NDST3: variants seen among roughly 807,000 people sequenced by gnomAD.
NDST3 encodes the protein N-deacetylase and N-sulfotransferase 3.
A neutral mutation model predicts 96.1 loss-of-function variants in NDST3; 58 were observed. The observed-to-expected ratio is 0.60, with a 90% confidence interval of 0.49 to 0.75. NDST3 has a LOEUF of 0.75. Ranked by LOEUF, NDST3 falls within the 30% of genes least tolerant of loss-of-function variation. The pLI is 0.00. For missense variants in NDST3, 788 were observed against 1,034.2 expected, an observed-to-expected ratio of 0.76 and a Z score of 3.27; for synonymous variants, 333 against 359.7, an observed-to-expected ratio of 0.93 and a Z score of 0.84.
intron 4 of NDST3, among the ~76,000 whole-genome samples, chr4:118,130,254 T>A (rs1732501348): frequency 6.6e-6 from 1 of 151,998 alleles, no homozygotes. Flanking sequence ...TGTTTTGGGG[T>A]CGTCTCTCTT....
intron 2 of NDST3, among the ~76,000 whole-genome samples, chr4:118,056,476 T>C (rs1725440016): frequency 6.6e-6 from 1 of 151,988 alleles, no homozygotes; most frequent in Non-Finnish European, 1.5e-5. Context: ...ACTAAATGCT[T>C]TTTTAAAAAA....
At chr4:118,247,575 A>C (rs577881856) in intron 12 of NDST3, among the ~76,000 whole-genome samples, 1 of 152,050 alleles carries the variant, frequency 6.6e-6, no homozygotes, top group South Asian at 2.1e-4. Flanking sequence ...GAAAGAAAGA[A>C]AGAAAGACTT....
intron 2 of NDST3, among the ~76,000 whole-genome samples, chr4:118,094,003 A>C (rs1413957702): frequency 1.3e-5 from 2 of 151,752 alleles, no homozygotes; most frequent in African/African-American, 2.4e-5. Context: ...AAGCAAGCCC[A>C]CTTCCTCAAG....
chr4:118,077,395 G>A (rs1727634931), intron 2 of NDST3, among the ~76,000 whole-genome samples: 1 of 152,216 alleles, frequency 6.6e-6, no homozygotes, highest in South Asian at 2.1e-4. Flanking sequence ...ATTTTGGGCT[G>A]TGGTCCAGTA....
chr4:118,191,272 T>C (rs560262203), intron 6 of NDST3, among the ~76,000 whole-genome samples: 5 of 152,322 alleles, frequency 3.3e-5, no homozygotes, highest in African/African-American at 9.6e-5. Context: ...TAAACAGATA[T>C]ATGACTTGTG....
chr4:118,182,514 G>T, intron 6 of NDST3, among the ~76,000 whole-genome samples: 1 of 152,084 alleles, frequency 6.6e-6, no homozygotes, highest in Admixed American at 6.6e-5. Context: ...TGTGACAACA[G>T]GCAAATGATA....
At chr4:118,176,872 T>C (rs1204972457) in intron 6 of NDST3, among the ~76,000 whole-genome samples, 1 of 152,046 alleles carries the variant, frequency 6.6e-6, no homozygotes, top group Non-Finnish European at 1.5e-5. Context: ...ACTTGAAATT[T>C]GAAAGTAAAA....
chr4:118,085,122 AAAC>A (rs10682796), intron 2 of NDST3, among the ~76,000 whole-genome samples: 5 of 150,698 alleles, frequency 3.3e-5, no homozygotes, highest in African/African-American at 9.7e-5. Flanking sequence ...GACTCCGTAA[AAAC>A]AACAACAACA....
chr4:118,227,642 C>G (rs549828471), intron 8 of NDST3, among the ~76,000 whole-genome samples: 1,316 of 129,612 alleles, frequency 0.01, 18 homozygotes, highest in African/African-American at 0.036. Context: ...GACGGAGTCT[C>G]GCTCTGTCAC....
rs1205104104 is a variant in NDST3, at chr4:118,054,225, G to A, written c.315G>A (p.Gln105=). 10 of 1,612,640 alleles carry A rather than the reference G, an allele frequency of 6.2e-6. No homozygotes were observed. Among genetic ancestry groups the A allele is most frequent in the East Asian group, 2.2e-5 (1 of 44,858 alleles). The change falls in exon 2 of 14, where the codon CAG becomes CAA. Residue 105 remains glutamine (Q), a synonymous_variant. Coordinates refer to ENST00000296499, the MANE Select transcript of NDST3 (RefSeq NM_004784.3). The stretch of plus-strand genomic sequence containing the variant: ...TGATTCTAGAATCAAGTAGATTCCA[G>A]TATCACATTGAAATTGCCCCTGGAA... ...IIMILESSRF[Q]YHIEIAPGKG...
At chr4:118,158,226 A>G (rs1231021020) in intron 6 of NDST3, among the ~76,000 whole-genome samples, 2 of 152,200 alleles carry the variant, frequency 1.3e-5, no homozygotes, top group African/African-American at 4.8e-5. Context: ...ATTTCTAAAT[A>G]CTATTTCTCC....
At chr4:118,061,565 T>C (rs1020636086) in intron 2 of NDST3, among the ~76,000 whole-genome samples, 13 of 152,196 alleles carry the variant, frequency 8.5e-5, no homozygotes, top group Non-Finnish European at 1.5e-4. Flanking sequence ...CTACCAGACA[T>C]ACCATGTATT....
Position 118,227,607 on chromosome 4 carries a change from C to CTT in NDST3, c.1819+646_1819+647dup, listed in dbSNP as rs67330081. Among the ~76,000 whole-genome samples, 633 of 106,088 alleles carry CTT rather than the reference C, an allele frequency of 6.0e-3. 15 individuals are homozygous for CTT. The highest frequency in any genetic ancestry group is 0.014 in the African/African-American group (412 of 29,866). The allele number at this position is 106,088 out of a possible 152,430, so 69.6% of individuals were successfully genotyped here. A position where few individuals can be genotyped will look rare whatever the true frequency, so the allele number is the denominator to read the frequency against. On this transcript the variant is annotated intron_variant, in intron 8 of 13. Transcript: ENST00000296499. ...CCATAAACTTCTTTATCACCATAAA[C>CTT]TTTTTTTTTTTTTTTTTTTTTTGAG... is the stretch of plus-strand genomic sequence containing the variant.
At position 118,220,519 on chromosome 4, in the gene NDST3, A is replaced by G. The variant is rs913649884; in HGVS notation, c.1540-3972A>G. On this transcript the variant is annotated intron_variant, in intron 6 of 13. Transcript: ENST00000296499. Reference sequence around the variant, plus strand: ...AATGTATATGGGGCTTAAAACCTAGATGATGGGTTGATAGGCAGCAAACCA... The same window carrying G: ...AATGTATATGGGGCTTAAAACCTAGGTGATGGGTTGATAGGCAGCAAACCA... Among the ~76,000 whole-genome samples, 8 of 152,066 alleles carry G rather than the reference A, an allele frequency of 5.3e-5. 1 individual carries two copies. In the Middle Eastern group the frequency reaches 0.01, roughly 194 times the overall value.
At position 118,054,741 on chromosome 4, in the gene NDST3, C is replaced by T. The variant is rs764758428; in HGVS notation, c.831C>T (p.Asn277=). ...GGGTTCTTTTTGGCAACAACTTGAA[C>T]TTTTGGCTGCACAAGCTCATCTTCA... is the stretch of plus-strand genomic sequence containing the variant. The part of the protein sequence containing the change: ...IQRVLFGNNL[N]FWLHKLIFID... Residue 277 remains asparagine (N), a synonymous_variant, in exon 2 of 14, where the codon AAC becomes AAT. Transcript: ENST00000296499. The T allele has an allele frequency of 1.2e-6, 2 of 1,613,402 alleles. No individual in the cohort carries two copies. The highest frequency in any genetic ancestry group is 1.7e-5 in the Admixed American group (1 of 59,932).
At chr4:118,203,598 G>A (rs1738239271) in intron 6 of NDST3, among the ~76,000 whole-genome samples, 1 of 152,292 alleles carries the variant, frequency 6.6e-6, no homozygotes, top group Admixed American at 6.5e-5. Flanking sequence ...TGTGTGCATA[G>A]GGTTGTGAGC....
At chr4:118,230,529 C>G (rs1441417170) in intron 8 of NDST3, among the ~76,000 whole-genome samples, 4 of 151,332 alleles carry the variant, frequency 2.6e-5, no homozygotes, top group Admixed American at 6.6e-5. Flanking sequence ...GAGCCGAGAT[C>G]ACGCCGCTGC....
intron 2 of NDST3, among the ~76,000 whole-genome samples, chr4:118,077,965 A>G (rs750898024): frequency 3.3e-5 from 5 of 152,160 alleles, no homozygotes; most frequent in Non-Finnish European, 5.9e-5. Flanking sequence ...GGACAACAGA[A>G]GATCACTCCC....
intron 3 of NDST3, 56 bp from the exon 4 acceptor site, chr4:118,114,750 A>G: frequency 6.6e-7 from 1 of 1,523,500 alleles, no homozygotes; most frequent in Non-Finnish European, 9.1e-7. Flanking sequence ...AAGTAGATTG[A>G]TTGATCATAG....
Sources: gnomAD v4.1 joint callset for allele counts (sites outside exome capture counted in the v4.1 genomes callset) on GRCh38, gnomAD v4.1.1 for gene constraint, MANE v1.5 for transcripts, NCBI Gene and HGNC (gene_info 2026-07-23, HGNC 2026-07-21) for gene names.